Variants in ARHGEF10L observed in about 807,000 individuals in gnomAD.
ARHGEF10L encodes the protein rho guanine nucleotide exchange factor 10-like protein.
A neutral mutation model predicts 141.2 loss-of-function variants in ARHGEF10L; 69 were observed. The ratio of observed to expected loss-of-function variants is 0.49; its 90% confidence interval spans 0.40 to 0.60. The LOEUF is 0.60. Ranked by LOEUF, ARHGEF10L falls within the 20% of genes least tolerant of loss-of-function variation. The probability of loss-of-function intolerance (pLI) is 0.00; values close to 1 mark genes in which losing one functional copy is unlikely to be tolerated. For missense variants in ARHGEF10L, 1,482 were observed against 1,734.3 expected, an observed-to-expected ratio of 0.85 and a Z score of 2.58; for synonymous variants, 711 against 718.5, an observed-to-expected ratio of 0.99 and a Z score of 0.17.
At chr1:17,582,683 G>C (rs978528465) in intron 2 of ARHGEF10L, among the ~76,000 whole-genome samples, 1 of 152,128 alleles carries the variant, frequency 6.6e-6, no homozygotes, top group Non-Finnish European at 1.5e-5. Context: ...CCTCATCCTC[G>C]GAGCCCTTCC....
At chr1:17,563,237 CTTTT>C (rs55911525) in intron 1 of ARHGEF10L, among the ~76,000 whole-genome samples, 1 of 142,564 alleles carries the variant, frequency 7.0e-6, no homozygotes. Context: ...GAGCCCTTTT[CTTTT>C]TTTTTTTTTT....
the ARHGEF10L span, among the ~76,000 whole-genome samples, chr1:17,519,416 C>G: frequency 6.6e-6 from 1 of 151,918 alleles, no homozygotes; most frequent in Admixed American, 6.6e-5. Flanking sequence ...TCGAGGCCAG[C>G]CTGGGCAATA....
chr1:17,611,989 A>G (rs2059574409), intron 7 of ARHGEF10L, among the ~76,000 whole-genome samples: 1 of 151,942 alleles, frequency 6.6e-6, no homozygotes, highest in African/African-American at 2.4e-5. Context: ...CCATCCATCC[A>G]TCCATCCATC....
the ARHGEF10L span, among the ~76,000 whole-genome samples, chr1:17,519,435 C>A: frequency 1.3e-5 from 2 of 151,798 alleles, no homozygotes; most frequent in East Asian, 1.9e-4. Flanking sequence ...TATGGTGAAA[C>A]CCTGTCTTTA....
intron 1 of ARHGEF10L, among the ~76,000 whole-genome samples, chr1:17,550,096 T>G (rs548510043): frequency 6.6e-6 from 1 of 152,254 alleles, no homozygotes; most frequent in African/African-American, 2.4e-5. Context: ...GGTTCCCATT[T>G]GGCAGTGGAA....
chr1:17,557,374 A>C (rs965959014), intron 1 of ARHGEF10L, among the ~76,000 whole-genome samples: 15 of 152,130 alleles, frequency 9.9e-5, no homozygotes, highest in South Asian at 4.2e-4. Context: ...ACCAAAAAAA[A>C]CAAAAAGAAA....
intron 28 of ARHGEF10L, among the ~76,000 whole-genome samples, chr1:17,696,205 A>T (rs934018484): frequency 2.9e-5 from 2 of 69,586 alleles, no homozygotes; most frequent in African/African-American, 5.0e-5. Context: ...AGAGTGAGAC[A>T]CCATCTCAAA....
chr1:17,650,291 A>G (rs185258850), intron 22 of ARHGEF10L, among the ~76,000 whole-genome samples: 3 of 151,858 alleles, frequency 2.0e-5, no homozygotes, highest in Non-Finnish European at 2.9e-5. Context: ...CCATGAGCCT[A>G]TAGTCCCAGC....
At chr1:17,660,779 A>C (rs71644063) in intron 25 of ARHGEF10L, among the ~76,000 whole-genome samples, 1 of 152,066 alleles carries the variant, frequency 6.6e-6, no homozygotes, top group Non-Finnish European at 1.5e-5. Flanking sequence ...GCTGTCATAC[A>C]GGGGCAGGCT....
intron 26 of ARHGEF10L, among the ~76,000 whole-genome samples, chr1:17,677,362 C>T (rs1447242124): frequency 6.6e-6 from 1 of 152,266 alleles, no homozygotes; most frequent in Admixed American, 6.5e-5. Flanking sequence ...TCTCTTTCAG[C>T]ACTCACTCGT....
intron 26 of ARHGEF10L, among the ~76,000 whole-genome samples, chr1:17,668,091 C>T (rs531228071): frequency 7.2e-5 from 11 of 152,268 alleles, no homozygotes; most frequent in African/African-American, 2.2e-4. Context: ...GAGGACAAAC[C>T]GAGAACATTC....
intron 1 of ARHGEF10L, among the ~76,000 whole-genome samples, chr1:17,578,695 C>T (rs12066034): frequency 0.11 from 16,227 of 152,060 alleles, 1,623 homozygotes; most frequent in African/African-American, 0.26. Flanking sequence ...CAGTACCTAT[C>T]GATGGGGGCT....
chr1:17,578,006 G>A (rs1360702627), intron 1 of ARHGEF10L, among the ~76,000 whole-genome samples: 2 of 152,190 alleles, frequency 1.3e-5, no homozygotes, highest in Non-Finnish European at 2.9e-5. Flanking sequence ...TTCTGCCCTG[G>A]AAGGGAAGGA....
At chr1:17,626,157 AC>A in intron 14 of ARHGEF10L, 109 bp downstream of exon 14, 1 of 826,092 alleles carries the variant, frequency 1.2e-6, no homozygotes. Context: ...GTGATCCATA[AC>A]CCACCCAACC....
At chr1:17,641,208 G>A (rs1472745732) in intron 21 of ARHGEF10L, among the ~76,000 whole-genome samples, 3 of 152,250 alleles carry the variant, frequency 2.0e-5, no homozygotes, top group Admixed American at 6.5e-5. Context: ...CCTCCAGACA[G>A]AGCTATTATT....
upstream of ARHGEF10L, among the ~76,000 whole-genome samples, chr1:17,539,661 C>A (rs1179577514): frequency 6.7e-6 from 1 of 148,528 alleles, no homozygotes; most frequent in Non-Finnish European, 1.5e-5. This position sits in a 1 kb window ranked among gnomAD's most constrained non-coding sequence, Gnocchi z 6.0. Context: ...TGACCTCAGC[C>A]GCGGCGCCCC....
chr1:17,682,802 C>T lies in ARHGEF10L; in HGVS notation c.3010-4771C>T, dbSNP rs148894245. ...AGAGGCCTCTTAGAGAGTAGGACAG[C>T]CCCTGACCCCACCAACCCCACACTT... On this transcript the variant is annotated intron_variant, in intron 26 of 28. Transcript: ENST00000361221. Among the ~76,000 whole-genome samples, 813 of 152,210 alleles carry T rather than the reference C, an allele frequency of 5.3e-3. 8 individuals are homozygous for T. The highest frequency in any genetic ancestry group is 0.018 in the African/African-American group (761 of 41,550).
intron 26 of ARHGEF10L, among the ~76,000 whole-genome samples, chr1:17,686,800 T>C (rs1454972253): frequency 1.3e-5 from 2 of 152,166 alleles, no homozygotes; most frequent in Non-Finnish European, 2.9e-5. Context: ...GTATCTTCTT[T>C]TTTAAAAAAG....
At chr1:17,692,155 A>T (rs2065153042) in intron 27 of ARHGEF10L, among the ~76,000 whole-genome samples, 1 of 152,024 alleles carries the variant, frequency 6.6e-6, no homozygotes, top group Admixed American at 6.5e-5. Flanking sequence ...TTTGGAATGG[A>T]TTTAGGTGTG....
Sources: allele counts gnomAD v4.1 joint callset (sites outside exome capture counted in the v4.1 genomes callset), GRCh38; gene constraint gnomAD v4.1.1; non-coding constraint Gnocchi (gnomAD v3.1); transcripts MANE v1.5; gene names NCBI Gene and HGNC (gene_info 2026-07-23, HGNC 2026-07-21).